The following CASP8 variants were observed in gnomAD, a reference collection of about 807,000 sequenced individuals.
The protein encoded by CASP8 is caspase-8.
Under a neutral mutation model 46.3 loss-of-function variants are expected in CASP8, and 24 were observed. The observed-to-expected ratio is 0.52, with a 90% confidence interval of 0.38 to 0.73. CASP8 has a LOEUF of 0.73. CASP8 is among the 30% of genes least tolerant of loss of function. The pLI is 0.00. For synonymous variants in CASP8, 188 were observed against 200.4 expected (o/e 0.94, Z 0.52); for missense variants, 460 against 559.0 (o/e 0.82, Z 1.79).
intron 2 of CASP8, chr2:201,241,494 A>C (rs1480160406): frequency 6.6e-6 from 1 of 152,248 alleles, no homozygotes; most frequent in African/African-American, 2.4e-5. Flanking sequence ...ACGATGACTG[A>C]ATCATGAAGA....
In CASP8 at chr2:201,285,025, T is replaced by C. The variant is rs771197994; in HGVS notation, c.1012T>C (p.Ser338Pro). The change falls in exon 8 of 9, where the codon TCT (serine) becomes CCT (proline). Residue 338 changes from serine to proline, a missense_variant. Physicochemically the swap from Ser to Pro is moderately conservative, Grantham distance 74. Coordinates refer to ENST00000673742, the MANE Select transcript of CASP8 (RefSeq NM_001372051.1). ...GQEAPIYELT[S>P]QFTGLKCPSL... is the part of the protein sequence containing the mutation. ...GGAGGCCCCCATCTATGAGCTGACA[T>C]CTCAGTTCACTGGTTTGAAGTGCCC... 1 of 1,614,196 alleles carries C rather than the reference T, an allele frequency of 6.2e-7. No homozygotes were observed. Among genetic ancestry groups the C allele is most frequent in the Non-Finnish European group, 8.5e-7 (1 of 1,180,032 alleles).
At position 201,287,662 on chromosome 2, in the gene CASP8, C is replaced by A. The variant is rs548881048; in HGVS notation, c.*1068C>A. ...TAAGTTATCTTTAAAATTTAAGTAT[C>A]TTTTTTCAAAAACATTTTTTAATAG... On this transcript the variant is annotated 3_prime_UTR_variant, in exon 9 of 9. Coordinates refer to ENST00000673742, the MANE Select transcript of CASP8 (RefSeq NM_001372051.1). 2.0e-5 allele frequency: 3 copies of A among 152,504 alleles called. No homozygotes were observed. Among genetic ancestry groups the A allele is most frequent in the Non-Finnish European group, 4.4e-5 (3 of 68,134 alleles). The allele number at this position is 152,504 out of a possible 1,614,324, so 9.4% of individuals were successfully genotyped here. A position where few individuals can be genotyped will look rare whatever the true frequency, so the allele number is the denominator to read the frequency against.
At chr2:201,275,032 C>A in intron 6 of CASP8, 79 bp downstream of exon 6, 1 of 911,156 alleles carries the variant, frequency 1.1e-6, no homozygotes, top group Non-Finnish European at 1.7e-6. Flanking sequence ...TTTTTTTTTG[C>A]TGCCAGATAA....
At chr2:201,240,176 A>C (rs895616873) in intron 2 of CASP8, 1 of 152,216 alleles carries the variant, frequency 6.6e-6, no homozygotes, top group Non-Finnish European at 1.5e-5. Flanking sequence ...TTCAGGGCCC[A>C]TTGTCTACAA....
intron 7 of CASP8, among the ~76,000 whole-genome samples, chr2:201,278,885 C>T (rs1291628595): frequency 1.3e-5 from 2 of 151,692 alleles, no homozygotes; most frequent in Non-Finnish European, 2.9e-5. Flanking sequence ...CTGACAGGGA[C>T]AAAATGCTGG....
rs1471423462 is a variant in CASP8 at position 201,287,550 on chromosome 2, CT to C, written c.*961del. ...ATATATGCTTGGCTAACTATATTTG[CT>C]TTTTGCTAACAATGCTCTGGGGTCT... On this transcript the variant is annotated 3_prime_UTR_variant, in exon 9 of 9. Coordinates refer to ENST00000673742, the MANE Select transcript of CASP8 (RefSeq NM_001372051.1). 1 of 154,596 alleles carries C rather than the reference CT, an allele frequency of 6.5e-6. No homozygotes were observed. Among genetic ancestry groups the C allele is most frequent in the Non-Finnish European group, 1.5e-5 (1 of 68,208 alleles). 9.6% of individuals were successfully genotyped at this position (154,596 alleles called of 1,614,324 possible). A position where few individuals can be genotyped will look rare whatever the true frequency, so the allele number is the denominator to read the frequency against.
chr2:201,258,427 A>T (rs374356438), upstream of CASP8: 4 of 1,611,232 alleles, frequency 2.5e-6, no homozygotes, highest in South Asian at 3.3e-5. Context: ...GGAAACCACA[A>T]TATTTTTGTT....
intron 2 of CASP8, among the ~76,000 whole-genome samples, chr2:201,235,131 G>A (rs1345849881): frequency 6.6e-6 from 1 of 152,056 alleles, no homozygotes; most frequent in Non-Finnish European, 1.5e-5. Flanking sequence ...ATCGAGAAGG[G>A]AACATAAAAA....
intron 1 of CASP8, among the ~76,000 whole-genome samples, chr2:201,265,858 C>T (rs574371292): frequency 6.6e-6 from 1 of 152,296 alleles, no homozygotes. Context: ...CTCGCATTCT[C>T]CCCAAAATCC....
In CASP8 at chr2:201,285,121, C is replaced by T. The variant is rs1380740513; in HGVS notation, c.1108C>T (p.Pro370Ser). The change falls in exon 8 of 9, where the codon CCT becomes TCT. Residue 370 changes from proline (P) to serine (S), a missense_variant. Coordinates refer to ENST00000673742, the MANE Select transcript of CASP8 (RefSeq NM_001372051.1). ...GGGGGATAACTACCAGAAAGGTATA[C>T]CTGTTGAGACTGATTCAGAGGAGCA... Reference protein sequence around the residue: ...CQGDNYQKGIPVETDSEEQPY... With the variant: ...CQGDNYQKGISVETDSEEQPY... 6.2e-7 allele frequency: 1 copy of T among 1,614,128 alleles called. No individual in the cohort carries two copies. Among genetic ancestry groups the T allele is most frequent in the East Asian group, 2.2e-5 (1 of 44,878 alleles).
chr2:201,237,414 C>A, intron 2 of CASP8, among the ~76,000 whole-genome samples: 1 of 116,034 alleles, frequency 8.6e-6, no homozygotes. Context: ...TTTATGAAAA[C>A]ATCTCTCCAG....
intron 2 of CASP8, among the ~76,000 whole-genome samples, chr2:201,245,924 A>G (rs1946497752): frequency 7.0e-6 from 1 of 142,650 alleles, no homozygotes. Flanking sequence ...CTGGAGTGCA[A>G]TGGTGCAATC....
chr2:201,239,404 C>T (rs540040676), intron 2 of CASP8, among the ~76,000 whole-genome samples: 57 of 152,236 alleles, frequency 3.7e-4, no homozygotes, highest in African/African-American at 1.3e-3. Flanking sequence ...GGGCTGACCC[C>T]CCACCTCCCT....
At chr2:201,246,458 A>G (rs547985828) in intron 2 of CASP8, among the ~76,000 whole-genome samples, 21 of 152,298 alleles carry the variant, frequency 1.4e-4, no homozygotes, top group Admixed American at 1.2e-3. Flanking sequence ...CACACACTAG[A>G]ATTGCAGAAG....
At chr2:201,253,209 A>G (rs1307720975) in intron 2 of CASP8, among the ~76,000 whole-genome samples, 3 of 151,242 alleles carry the variant, frequency 2.0e-5, no homozygotes, top group Non-Finnish European at 4.4e-5. Context: ...GGCTGATCTT[A>G]AACTCCTGAG....
intron 2 of CASP8, among the ~76,000 whole-genome samples, chr2:201,244,971 G>A (rs1270922990): frequency 6.6e-6 from 1 of 152,208 alleles, no homozygotes; most frequent in Non-Finnish European, 1.5e-5. Context: ...GAGATGCATA[G>A]TCCAGGCCGA....
At chr2:201,282,681 C>A (rs1430287113) in intron 7 of CASP8, among the ~76,000 whole-genome samples, 1 of 77,908 alleles carries the variant, frequency 1.3e-5, no homozygotes, top group South Asian at 7.0e-4. Context: ...GGGCGGCTGG[C>A]CGGGCGGGGG....
chr2:201,259,450 A>G (rs1947231582), upstream of CASP8, among the ~76,000 whole-genome samples: 1 of 152,188 alleles, frequency 6.6e-6, no homozygotes, highest in Non-Finnish European at 1.5e-5. Flanking sequence ...TGCTAGGATT[A>G]CATGCATGAG....
At chr2:201,249,808 C>T (rs983462795) in intron 2 of CASP8, among the ~76,000 whole-genome samples, 7 of 152,226 alleles carry the variant, frequency 4.6e-5, no homozygotes, top group Non-Finnish European at 8.8e-5. Context: ...CCCACACTTT[C>T]CCGTTATTAA....
Sources: allele counts gnomAD v4.1 joint callset (sites outside exome capture counted in the v4.1 genomes callset), GRCh38; gene constraint gnomAD v4.1.1; transcripts MANE v1.5; gene names NCBI Gene and HGNC (gene_info 2026-07-23, HGNC 2026-07-21).